SUGCT: variants seen among roughly 807,000 people sequenced by gnomAD.
SUGCT encodes succinyl-CoA:glutarate-CoA transferase, also known as succinyl-CoA:glutarate CoA-transferase.
A neutral mutation model predicts 55.0 loss-of-function variants in SUGCT; 41 were observed. The ratio of observed to expected loss-of-function variants is 0.74; its 90% CI spans 0.58 to 0.97. The LOEUF is 0.97. Among genes scored for constraint, SUGCT ranks in the 50% least tolerant of loss-of-function variants. The pLI is 0.00. For missense variants in SUGCT, 568 were observed against 547.8 expected, an observed-to-expected ratio of 1.04 and a Z score of -0.37; for synonymous variants, 187 against 200.4, an observed-to-expected ratio of 0.93 and a Z score of 0.56.
chr7:40,242,365 C>T (rs189290779), intron 7 of SUGCT, among the ~76,000 whole-genome samples: 54 of 151,740 alleles, frequency 3.6e-4, no homozygotes, highest in Non-Finnish European at 5.0e-4. Flanking sequence ...TTAGTAGAGA[C>T]GGGGTTTCAC....
intron 8 of SUGCT, among the ~76,000 whole-genome samples, chr7:40,313,744 T>A (rs1408615628): frequency 6.6e-6 from 1 of 151,384 alleles, no homozygotes; most frequent in East Asian, 1.9e-4. Context: ...GATCCCCCCA[T>A]CTGTTTTTTT....
intron 12 of SUGCT, among the ~76,000 whole-genome samples, chr7:40,589,512 T>G (rs556267784): frequency 2.2e-4 from 34 of 152,232 alleles, no homozygotes; most frequent in Middle Eastern, 3.4e-3. Context: ...CAGAAGCCCT[T>G]TTTATAGTGG....
the SUGCT span, among the ~76,000 whole-genome samples, chr7:40,888,614 A>G: frequency 1.3e-5 from 2 of 152,200 alleles, no homozygotes; most frequent in East Asian, 1.9e-4. Context: ...AAAAAAAATA[A>G]CCATGTCACA....
intron 7 of SUGCT, among the ~76,000 whole-genome samples, chr7:40,258,845 C>T (rs763246260): frequency 1.3e-5 from 2 of 152,078 alleles, no homozygotes; most frequent in East Asian, 1.9e-4. Flanking sequence ...TATACTCAAG[C>T]GAAATGAAAT....
chr7:40,692,456 C>T lies in SUGCT; in HGVS notation c.1090-56978C>T, dbSNP rs370630691. ...AAGCAAAATTTGAAAGCTTGACAGT[C>T]CTGATTTTTTGGACTTCCGTGGTAC... On this transcript the variant is annotated intron_variant, in intron 12 of 13. Transcript: ENST00000335693. Among the ~76,000 whole-genome samples the T allele has an allele frequency of 3.7e-4, 57 of 152,216 alleles. 2 individuals are homozygous for T. In the South Asian group the frequency reaches 0.011, roughly 29 times the overall value.
At chr7:40,462,537 T>C (rs1056663377) in intron 11 of SUGCT, among the ~76,000 whole-genome samples, 1 of 152,152 alleles carries the variant, frequency 6.6e-6, no homozygotes, top group Non-Finnish European at 1.5e-5. Flanking sequence ...GTGCTCTACC[T>C]AGTAGAGAAG....
intron 9 of SUGCT, among the ~76,000 whole-genome samples, chr7:40,351,665 ATAAGCACTCTTCAAT>A (rs1369145142): frequency 6.6e-6 from 1 of 152,230 alleles, no homozygotes; most frequent in Non-Finnish European, 1.5e-5. Flanking sequence ...TAAAACATTT[ATAAGCACTCTTCAAT>A]GACTAGCTGA....
At chr7:40,809,207 A>G (rs1437030862) in intron 13 of SUGCT, among the ~76,000 whole-genome samples, 1 of 152,212 alleles carries the variant, frequency 6.6e-6, no homozygotes, top group Non-Finnish European at 1.5e-5. Context: ...ACATAAAATA[A>G]TGCTTGTGAA....
chr7:40,151,581 G>A (rs1458946199), intron 1 of SUGCT: 1 of 226,292 alleles, frequency 4.4e-6, no homozygotes, highest in Non-Finnish European at 9.9e-6. Context: ...CCAGAGCCTG[G>A]GACAGTGTTA....
At chr7:40,322,451 C>T (rs1795807064) in intron 9 of SUGCT, among the ~76,000 whole-genome samples, 1 of 152,132 alleles carries the variant, frequency 6.6e-6, no homozygotes, top group Admixed American at 6.5e-5. Flanking sequence ...AAGGGGCAAG[C>T]TGATGTGAGG....
At chr7:40,245,423 A>ATT (rs1168316176) in intron 7 of SUGCT, among the ~76,000 whole-genome samples, 8 of 54,588 alleles carry the variant, frequency 1.5e-4, no homozygotes, top group East Asian at 4.4e-4. Context: ...ATATATATAT[A>ATT]TTTTTTTTTT....
intron 1 of SUGCT, among the ~76,000 whole-genome samples, chr7:40,166,484 A>G (rs1477014961): frequency 2.6e-5 from 4 of 152,378 alleles, no homozygotes; most frequent in South Asian, 2.1e-4. Flanking sequence ...TAAATGGCCA[A>G]CTATTTACAT....
the SUGCT span, among the ~76,000 whole-genome samples, chr7:40,995,405 T>TATTATTATTATA: frequency 6.7e-6 from 1 of 150,168 alleles, no homozygotes; most frequent in Non-Finnish European, 1.5e-5. Context: ...TTATTATTAT[T>TATTATTATTATA]ATTATAGTTT....
the SUGCT span, among the ~76,000 whole-genome samples, chr7:40,916,380 G>A: frequency 2.6e-5 from 4 of 152,184 alleles, no homozygotes; most frequent in African/African-American, 9.6e-5. Context: ...TCCAGTTAAA[G>A]TGAATCCCAG....
At chr7:40,867,182 C>CAT in the SUGCT span, among the ~76,000 whole-genome samples, 1 of 148,590 alleles carries the variant, frequency 6.7e-6, no homozygotes, top group African/African-American at 2.5e-5. Context: ...GAACTCTCCC[C>CAT]ATATATATAT....
chr7:40,963,817 G>A, the SUGCT span, among the ~76,000 whole-genome samples: 19 of 152,136 alleles, frequency 1.2e-4, no homozygotes, highest in African/African-American at 4.3e-4. Flanking sequence ...AGTAAGAGAG[G>A]TCAAACTGCC....
intron 8 of SUGCT, among the ~76,000 whole-genome samples, chr7:40,316,423 G>A (rs897526157): frequency 6.6e-6 from 1 of 152,134 alleles, no homozygotes; most frequent in Admixed American, 6.6e-5. Flanking sequence ...AAAAATGCAC[G>A]AGTTGCTGAT....
At chr7:40,598,541 G>T (rs1411212037) in intron 12 of SUGCT, among the ~76,000 whole-genome samples, 1 of 152,170 alleles carries the variant, frequency 6.6e-6, no homozygotes, top group Admixed American at 6.5e-5. Flanking sequence ...TCCTAGCAGA[G>T]AACTAGAGAA....
the SUGCT span, among the ~76,000 whole-genome samples, chr7:40,944,464 G>T: frequency 1.3e-5 from 2 of 151,886 alleles, no homozygotes; most frequent in South Asian, 4.2e-4. Context: ...TGTATAAGGT[G>T]TAAGGAAGGG....
Sources: allele counts gnomAD v4.1 joint callset (sites outside exome capture counted in the v4.1 genomes callset), GRCh38; gene constraint gnomAD v4.1.1; transcripts MANE v1.5; gene names NCBI Gene and HGNC (gene_info 2026-07-23, HGNC 2026-07-21).